CPT1A: variants seen among roughly 807,000 people sequenced by gnomAD.
CPT1A encodes carnitine palmitoyltransferase 1A, also known as carnitine O-palmitoyltransferase 1, liver isoform.
A neutral mutation model predicts 100.8 loss-of-function variants in CPT1A; 64 were observed. The ratio of observed to expected loss-of-function variants is 0.63; its 90% CI spans 0.52 to 0.78. The LOEUF (loss-of-function observed/expected upper bound fraction) is 0.78, where lower values mean the gene tolerates loss of function less well. Among genes scored for constraint, CPT1A ranks in the 30% least tolerant of loss-of-function variants. The pLI is 0.00. For missense variants in CPT1A, 802 were observed against 1,034.1 expected (o/e 0.78, Z 3.08); for synonymous variants, 363 against 396.0 (o/e 0.92, Z 0.99).
intron 1 of CPT1A, chr11:68,839,494 G>A: frequency 1.0e-6 from 1 of 985,088 alleles, no homozygotes; most frequent in South Asian, 4.7e-5. Flanking sequence ...ACCTTCCGGA[G>A]CGAGTTGGCG....
Position 68,780,718 on chromosome 11 carries a change from A to G in CPT1A, c.1380T>C (p.Val460=), listed in dbSNP as rs533948053. 3.7e-6 allele frequency: 6 copies of G among 1,614,242 alleles called. No individual in the cohort carries two copies. The highest frequency in any genetic ancestry group is 1.1e-5 in the South Asian group (1 of 91,090). ...DRWFDKSFTF[V]VFKNGKMGLN... is the part of the protein sequence containing the mutation. Reference sequence around the variant, plus strand: ...GGCCCATCTTCCCGTTTTTGAAGACAACAAACGTGAACGACTTGTCAAACC... The same window carrying G: ...GGCCCATCTTCCCGTTTTTGAAGACGACAAACGTGAACGACTTGTCAAACC... The change falls in exon 12 of 19, where the codon GTT becomes GTC. Residue 460 remains valine, a synonymous_variant. Coordinates refer to ENST00000265641, the MANE Select transcript of CPT1A (RefSeq NM_001876.4).
chr11:68,781,632 AAAAT>A (rs1284315508), intron 11 of CPT1A, 135 bp downstream of exon 11: 6 of 866,542 alleles, frequency 6.9e-6, no homozygotes, highest in Non-Finnish European at 1.2e-5. Context: ...AAAATAAAAT[AAAAT>A]AAAACTGAAG....
At chr11:68,765,047 G>A (rs1339320685) in intron 14 of CPT1A, among the ~76,000 whole-genome samples, 3 of 152,242 alleles carry the variant, frequency 2.0e-5, no homozygotes, top group Non-Finnish European at 4.4e-5. Flanking sequence ...ATGAGGCCAC[G>A]GGGCCTCCTG....
At chr11:68,758,327 C>T (rs139769141) in intron 18 of CPT1A, among the ~76,000 whole-genome samples, 2 of 152,310 alleles carry the variant, frequency 1.3e-5, no homozygotes, top group African/African-American at 4.8e-5. Flanking sequence ...ACCCCAACTT[C>T]CTCTGTTAAC....
At chr11:68,842,889 G>T (rs1857188275), upstream of CPT1A, among the ~76,000 whole-genome samples, 2 of 152,194 alleles carry the variant, frequency 1.3e-5, no homozygotes, top group Non-Finnish European at 2.9e-5. Flanking sequence ...ATCTTTGCCC[G>T]CAATGCTTCC....
chr11:68,780,738 C>A lies in CPT1A; in HGVS notation c.1360G>T (p.Asp454Tyr), dbSNP rs375103545. Residue 454 changes from aspartate to tyrosine, a missense_variant, in exon 12 of 19, where the codon GAC becomes TAC. Asp to Tyr is a radical substitution (Grantham distance 160, BLOSUM62 -3). This residue lies in a region of CPT1A where 627 missense variants were observed against 799.3 expected (regional missense o/e 0.78). Transcript: ENST00000265641. ...AAGACAACAAACGTGAACGACTTGT[C>A]AAACCACCTACGTGAAACACACATG... ...LHGRCYDRWF[D>Y]KSFTFVVFKN... is the part of the protein sequence containing the mutation. 1.4e-5 allele frequency: 23 copies of A among 1,614,042 alleles called. No individual in the cohort carries two copies. Among genetic ancestry groups the A allele is most frequent in the Non-Finnish European group, 1.9e-5 (23 of 1,179,870 alleles).
intron 9 of CPT1A, among the ~76,000 whole-genome samples, chr11:68,790,575 C>A (rs1379854633): frequency 2.0e-5 from 3 of 152,138 alleles, no homozygotes; most frequent in Admixed American, 6.5e-5. Context: ...CTGGAAGAGG[C>A]ATAAAGGCCT....
upstream of CPT1A, among the ~76,000 whole-genome samples, chr11:68,842,985 TG>T (rs1047650622): frequency 5.9e-5 from 9 of 152,276 alleles, no homozygotes; most frequent in African/African-American, 2.2e-4. Flanking sequence ...ACCTCTTTTA[TG>T]AACCCTGCTC....
intron 4 of CPT1A, among the ~76,000 whole-genome samples, chr11:68,806,672 C>G (rs1169041367): frequency 6.6e-6 from 1 of 150,752 alleles, no homozygotes; most frequent in African/African-American, 2.4e-5. Context: ...GTGGTTCACA[C>G]CTGTAATCCC....
rs1053207170 is a variant in CPT1A, at chr11:68,815,369, G to C, written c.106C>G (p.Leu36Val). 6.2e-7 allele frequency: 1 copy of C among 1,614,184 alleles called. No individual in the cohort carries two copies. The highest frequency in any genetic ancestry group is 1.3e-5 in the African/African-American group (1 of 75,054). The change falls in exon 2 of 19, where the codon CTT (leucine) becomes GTT (valine). Residue 36 changes from leucine to valine, a missense_variant. Transcript: ENST00000265641. ...EALRQIYLSGLHSWKKKFIRF... is the reference protein window; with the variant it reads ...EALRQIYLSGVHSWKKKFIRF... ...ATGAACTTCTTTTTCCAGGAATGAAGTCCAGAGAGATAGATTTGTCTAAGA... is the reference window on the plus strand; with the variant it reads ...ATGAACTTCTTTTTCCAGGAATGAACTCCAGAGAGATAGATTTGTCTAAGA...
At chr11:68,819,424 T>C (rs1856520218) in intron 1 of CPT1A, among the ~76,000 whole-genome samples, 1 of 152,166 alleles carries the variant, frequency 6.6e-6, no homozygotes, top group African/African-American at 2.4e-5. Flanking sequence ...GCCTTCGCAG[T>C]AACCATGAGG....
chr11:68,761,677 CTCTG>C lies in CPT1A; in HGVS notation c.1882_1885del (p.Gln628GlyfsTer2). The C allele has an allele frequency of 6.2e-7, 1 of 1,614,196 alleles. No homozygotes were observed. The highest frequency in any genetic ancestry group is 8.5e-7 in the Non-Finnish European group (1 of 1,180,034). On this transcript the variant is annotated frameshift_variant, in exon 16 of 19. Transcript: ENST00000265641. LOFTEE classifies it high-confidence loss of function. ...AGACGCCAACTTGAACAACTTCAGCCTCTGTTCCACCTGAGTGACAAAAGGTGGG... is the reference window on the plus strand; with the variant it reads ...AGACGCCAACTTGAACAACTTCAGCCTTCCACCTGAGTGACAAAAGGTGGG...
chr11:68,759,218 A>G (rs1326363646), intron 18 of CPT1A, among the ~76,000 whole-genome samples: 1 of 151,594 alleles, frequency 6.6e-6, no homozygotes, highest in Non-Finnish European at 1.5e-5. Context: ...ACATGGTGAA[A>G]CCCTGTCTCT....
At position 68,755,148 on chromosome 11, in the gene CPT1A, G is replaced by T; in HGVS notation, c.*2496C>A. Reference sequence around the variant, plus strand: ...ATTGCATTGATAACTGCACTGATGAGCAACAATTACATTTGAAACATTTAA... The same window carrying T: ...ATTGCATTGATAACTGCACTGATGATCAACAATTACATTTGAAACATTTAA... On this transcript the variant is annotated 3_prime_UTR_variant, in exon 19 of 19. Transcript: ENST00000265641. 2.7e-6 allele frequency: 1 copy of T among 370,632 alleles called. No individual in the cohort carries two copies. Among genetic ancestry groups the T allele is most frequent in the South Asian group, 4.4e-5 (1 of 22,932 alleles). 23.0% of individuals were successfully genotyped at this position (370,632 alleles called of 1,614,324 possible).
chr11:68,757,632 G>C lies in CPT1A; in HGVS notation c.*12C>G, dbSNP rs771848705. On this transcript the variant is annotated 3_prime_UTR_variant, in exon 19 of 19. Transcript: ENST00000265641. The stretch of plus-strand genomic sequence containing the variant: ...GAAGAGCTCGTTTTCCTTCCCAGCA[G>C]CTCCAGTGGAATTACTTTTTGGAAT... 5.0e-6 allele frequency: 8 copies of C among 1,614,050 alleles called. No individual in the cohort carries two copies. In the South Asian group the frequency reaches 8.8e-5, roughly 18 times the overall value.
intron 13 of CPT1A, 146 bp downstream of exon 13, chr11:68,775,170 C>G (rs1855109075): frequency 1.4e-6 from 1 of 695,258 alleles, no homozygotes; most frequent in African/African-American, 1.8e-5. Flanking sequence ...ACCCACGGAA[C>G]TCCCTGAGCA....
At chr11:68,842,569 T>C (rs112337570), upstream of CPT1A, among the ~76,000 whole-genome samples, 4,072 of 152,284 alleles carry the variant, frequency 0.027, 76 homozygotes, top group Non-Finnish European at 0.04. Flanking sequence ...TGGCTCCTCC[T>C]CATCTAGCTA....
At chr11:68,805,598 C>T (rs1856020360) in intron 4 of CPT1A, among the ~76,000 whole-genome samples, 1 of 152,072 alleles carries the variant, frequency 6.6e-6, no homozygotes, top group Admixed American at 6.6e-5. Flanking sequence ...GGGGGCCATC[C>T]CGAGGCGACC....
intron 14 of CPT1A, among the ~76,000 whole-genome samples, chr11:68,772,917 C>G (rs3019592): frequency 5.3e-4 from 80 of 152,272 alleles, no homozygotes; most frequent in African/African-American, 1.9e-3. Flanking sequence ...TATTCCCCTA[C>G]CTGCCCACAC....
Sources: gnomAD v4.1 joint callset for allele counts (sites outside exome capture counted in the v4.1 genomes callset) on GRCh38, gnomAD v4.1.1 for gene constraint, gnomAD v4.1.1 regional missense constraint, MANE v1.5 for transcripts, NCBI Gene and HGNC (gene_info 2026-07-23, HGNC 2026-07-21) for gene names.